The following CTNND2 variants were observed in gnomAD, a reference collection of about 807,000 sequenced individuals.
The protein encoded by CTNND2 is catenin delta 2.
CTNND2 carries 22 observed loss-of-function variants against 144.4 expected under a neutral mutation model. That is an observed-to-expected ratio of 0.15 (90% CI 0.11 to 0.22). The LOEUF (loss-of-function observed/expected upper bound fraction) is 0.22. Among genes scored for constraint, CTNND2 ranks in the 10% least tolerant of loss-of-function variants. The pLI is 1.00. For synonymous variants in CTNND2, 751 were observed against 695.6 expected, an observed-to-expected ratio of 1.08 and a Z score of -1.25; for missense variants, 1,353 against 1,618.8, an observed-to-expected ratio of 0.84 and a Z score of 2.82.
intron 16 of CTNND2, among the ~76,000 whole-genome samples, chr5:11,041,592 T>A (rs979594479): frequency 6.6e-6 from 1 of 152,162 alleles, no homozygotes; most frequent in Non-Finnish European, 1.5e-5. Context: ...AAAACATTCA[T>A]TGAAGTTGCA....
chr5:11,025,834 C>T (rs894898480), intron 16 of CTNND2, among the ~76,000 whole-genome samples: 1 of 152,162 alleles, frequency 6.6e-6, no homozygotes, highest in Non-Finnish European at 1.5e-5. Context: ...GCTATTCTTG[C>T]TGCCCAGTAG....
intron 3 of CTNND2, among the ~76,000 whole-genome samples, chr5:11,517,112 G>T (rs1266805360): frequency 1.3e-5 from 2 of 152,128 alleles, no homozygotes; most frequent in East Asian, 3.9e-4. Flanking sequence ...CTTAACCATT[G>T]TGTTTATGTT....
At chr5:11,526,526 G>A (rs1318418878) in intron 3 of CTNND2, among the ~76,000 whole-genome samples, 2 of 152,142 alleles carry the variant, frequency 1.3e-5, no homozygotes, top group African/African-American at 4.8e-5. Context: ...CTGAGGACAG[G>A]GGCAGCTGGT....
chr5:11,065,451 A>C (rs1747458956), intron 16 of CTNND2, among the ~76,000 whole-genome samples: 1 of 152,250 alleles, frequency 6.6e-6, no homozygotes, highest in Admixed American at 6.5e-5. Context: ...AGCGAGTGCT[A>C]GTCCTTTGCC....
intron 12 of CTNND2, among the ~76,000 whole-genome samples, chr5:11,141,972 A>G (rs1756777129): frequency 6.6e-6 from 1 of 152,076 alleles, no homozygotes; most frequent in African/African-American, 2.4e-5. Context: ...GTTTGTTATA[A>G]AACTGAGCCT....
intron 2 of CTNND2, among the ~76,000 whole-genome samples, chr5:11,582,667 A>C (rs1457191010): frequency 6.6e-6 from 1 of 152,242 alleles, no homozygotes; most frequent in East Asian, 1.9e-4. Flanking sequence ...AAAGGTTTAC[A>C]TATAGAAATA....
At chr5:11,047,868 T>C (rs1426411286) in intron 16 of CTNND2, among the ~76,000 whole-genome samples, 1 of 152,192 alleles carries the variant, frequency 6.6e-6, no homozygotes, top group Non-Finnish European at 1.5e-5. Context: ...TTTGTAAATA[T>C]GCTCCAGGAG....
chr5:11,733,479 T>A (rs896756574), intron 1 of CTNND2, among the ~76,000 whole-genome samples: 1 of 151,836 alleles, frequency 6.6e-6, no homozygotes, highest in Admixed American at 6.6e-5. Context: ...AAAAATAGAG[T>A]TTGAGAGGGT....
chr5:11,232,655 G>A (rs1243459150), intron 10 of CTNND2, among the ~76,000 whole-genome samples: 1 of 152,254 alleles, frequency 6.6e-6, no homozygotes, highest in African/African-American at 2.4e-5. Flanking sequence ...ATAGGTAGAA[G>A]AGACTTGCCT....
chr5:11,381,080 T>C (rs1220732873), intron 7 of CTNND2, among the ~76,000 whole-genome samples: 10 of 152,154 alleles, frequency 6.6e-5, no homozygotes, highest in Admixed American at 6.5e-4. Flanking sequence ...TTCTCTTACC[T>C]TCATCACCTA....
chr5:11,557,590 CTT>C (rs1282672689), intron 3 of CTNND2, among the ~76,000 whole-genome samples: 1 of 150,864 alleles, frequency 6.6e-6, no homozygotes, highest in Non-Finnish European at 1.5e-5. Flanking sequence ...CTGAATTTTC[CTT>C]TGTCTCTGAC....
At chr5:11,536,548 A>C (rs1256765710) in intron 3 of CTNND2, among the ~76,000 whole-genome samples, 1 of 152,238 alleles carries the variant, frequency 6.6e-6, no homozygotes, top group Non-Finnish European at 1.5e-5. Flanking sequence ...CTCAGCCATA[A>C]AAAGGAACAA....
At chr5:11,612,849 A>G (rs1780398853) in intron 2 of CTNND2, among the ~76,000 whole-genome samples, 1 of 152,174 alleles carries the variant, frequency 6.6e-6, no homozygotes, top group South Asian at 2.1e-4. Flanking sequence ...GCAATGAGCT[A>G]TGATAGTTCC....
At chr5:11,418,661 A>T (rs1378251013) in intron 3 of CTNND2, among the ~76,000 whole-genome samples, 1 of 152,192 alleles carries the variant, frequency 6.6e-6, no homozygotes, top group Non-Finnish European at 1.5e-5. Flanking sequence ...GCAGTGGCAG[A>T]CCATCCACAT....
intron 3 of CTNND2, among the ~76,000 whole-genome samples, chr5:11,540,507 T>C (rs1774627345): frequency 6.6e-6 from 1 of 152,206 alleles, no homozygotes; most frequent in African/African-American, 2.4e-5. Flanking sequence ...CTGTTCATGC[T>C]GCAATCTTTT....
chr5:11,631,651 T>C (rs1391216387), intron 2 of CTNND2, among the ~76,000 whole-genome samples: 5 of 152,160 alleles, frequency 3.3e-5, no homozygotes, highest in African/African-American at 1.2e-4. Flanking sequence ...CACAGCTCCA[T>C]GTTGTAGAAG....
At chr5:11,089,229 G>C (rs2149649084) in intron 15 of CTNND2, among the ~76,000 whole-genome samples, 1 of 152,046 alleles carries the variant, frequency 6.6e-6, no homozygotes, top group South Asian at 2.1e-4. Context: ...CTATGTGGGG[G>C]TCTCTTTGTT....
intron 3 of CTNND2, among the ~76,000 whole-genome samples, chr5:11,459,085 T>A (rs1189105222): frequency 6.6e-6 from 1 of 152,070 alleles, no homozygotes; most frequent in Non-Finnish European, 1.5e-5. Context: ...GGACTTCTTA[T>A]AAGGAATCAA....
chr5:11,628,096 A>G (rs1781246571), intron 2 of CTNND2, among the ~76,000 whole-genome samples: 2 of 152,042 alleles, frequency 1.3e-5, no homozygotes, highest in African/African-American at 2.4e-5. Flanking sequence ...TGCTTTATAG[A>G]ATACAACTTT....
Sources: allele counts gnomAD v4.1 joint callset (sites outside exome capture counted in the v4.1 genomes callset), GRCh38; gene constraint gnomAD v4.1.1; transcripts MANE v1.5; gene names NCBI Gene and HGNC (gene_info 2026-07-23, HGNC 2026-07-21).